Variants in ASRGL1 observed in about 807,000 individuals in gnomAD.
ASRGL1 encodes the protein isoaspartyl peptidase/L-asparaginase.
ASRGL1 carries 16 observed loss-of-function variants against 22.4 expected under a neutral mutation model. That is an observed-to-expected ratio of 0.71 (90% CI 0.48 to 1.08). The LOEUF (loss-of-function observed/expected upper bound fraction) is 1.08, where lower values mean the gene tolerates loss of function less well. ASRGL1 is among the 50% of genes least tolerant of loss of function. The pLI, the probability that ASRGL1 is intolerant of heterozygous loss-of-function variation, is 0.00. For missense variants in ASRGL1, 412 were observed against 410.1 expected, an observed-to-expected ratio of 1.00 and a Z score of -0.04; for synonymous variants, 165 against 159.3, an observed-to-expected ratio of 1.04 and a Z score of -0.27.
intron 2 of ASRGL1, among the ~76,000 whole-genome samples, chr11:62,342,563 C>A (rs186689790): frequency 6.6e-6 from 1 of 152,224 alleles, no homozygotes; most frequent in African/African-American, 2.4e-5. Context: ...TCAAGAGCAG[C>A]CTGTCCAATA....
rs1378945805 is a variant in ASRGL1, at chr11:62,386,502, A to G, written c.492-2631A>G. ...TGTACATATATATGTACATATATAG[A>G]TATGTATAGGGGGAAAGATAGTGTT... is the stretch of plus-strand genomic sequence containing the variant. On this transcript the variant is annotated intron_variant, in intron 4 of 6. Coordinates refer to ENST00000415229, the MANE Select transcript of ASRGL1 (RefSeq NM_001083926.2). Among the ~76,000 whole-genome samples, 13 of 142,788 alleles carry G rather than the reference A, an allele frequency of 9.1e-5. 1 individual carries two copies. The allele number at this position is 142,788 out of a possible 152,430, so 93.7% of individuals were successfully genotyped here. A position where few individuals can be genotyped will look rare whatever the true frequency, so the allele number is the denominator to read the frequency against.
chr11:62,342,350 G>A (rs566552256), intron 2 of ASRGL1, among the ~76,000 whole-genome samples: 1 of 152,324 alleles, frequency 6.6e-6, no homozygotes, highest in South Asian at 2.1e-4. Context: ...AGAACGTAAA[G>A]TACAGTGATT....
chr11:62,368,889 C>T (rs971686356), intron 4 of ASRGL1, among the ~76,000 whole-genome samples: 4 of 152,316 alleles, frequency 2.6e-5, no homozygotes, highest in African/African-American at 9.6e-5. Flanking sequence ...CTGTTTTCTC[C>T]TATCTCAGTA....
intron 1 of ASRGL1, 37 bp from the exon 2 acceptor site, chr11:62,337,853 A>G (rs11606114): frequency 0.024 from 26,081 of 1,077,300 alleles, 372 homozygotes; most frequent in Non-Finnish European, 0.03. Flanking sequence ...CTGCGAACCC[A>G]GCCGTTCAGA....
intron 4 of ASRGL1, among the ~76,000 whole-genome samples, chr11:62,360,793 C>T (rs1946415334): frequency 6.6e-6 from 1 of 152,178 alleles, no homozygotes; most frequent in African/African-American, 2.4e-5. Flanking sequence ...TGAAGAATCA[C>T]ACACAATAAA....
intron 4 of ASRGL1, among the ~76,000 whole-genome samples, chr11:62,387,992 T>C (rs1947254092): frequency 6.6e-6 from 1 of 152,176 alleles, no homozygotes; most frequent in Admixed American, 6.5e-5. Context: ...TTCATGGCCA[T>C]GCAAACATCA....
chr11:62,369,834 C>T (rs1275182899), intron 4 of ASRGL1, among the ~76,000 whole-genome samples: 2 of 152,060 alleles, frequency 1.3e-5, no homozygotes, highest in Non-Finnish European at 2.9e-5. Context: ...TACAAAAGTC[C>T]GACGTATTCC....
chr11:62,362,474 TA>T lies in ASRGL1; in HGVS notation c.491+5334del, dbSNP rs1180506381. Among the ~76,000 whole-genome samples, 13 of 118,108 alleles carry T rather than the reference TA, an allele frequency of 1.1e-4. 1 individual carries two copies. The highest frequency in any genetic ancestry group is 2.2e-4 in the African/African-American group (7 of 31,146). 77.5% of individuals were successfully genotyped at this position (118,108 alleles called of 152,430 possible). On this transcript the variant is annotated intron_variant, in intron 4 of 6. Coordinates refer to ENST00000415229, the MANE Select transcript of ASRGL1 (RefSeq NM_001083926.2). ...TAACCAAAAATATATATATATTATA[TA>T]AAATATATATAATATATATTATATA... is the stretch of plus-strand genomic sequence containing the variant.
At chr11:62,399,854 A>C in the ASRGL1 span, among the ~76,000 whole-genome samples, 1 of 152,028 alleles carries the variant, frequency 6.6e-6, no homozygotes, top group Non-Finnish European at 1.5e-5. Flanking sequence ...ACCCCATACC[A>C]CACACAGCCT....
chr11:62,342,153 C>T (rs1020520100), intron 2 of ASRGL1, among the ~76,000 whole-genome samples: 6 of 151,912 alleles, frequency 3.9e-5, no homozygotes, highest in African/African-American at 9.7e-5. Context: ...TCGATTGGCT[C>T]GCAACTTAGA....
intron 4 of ASRGL1, among the ~76,000 whole-genome samples, chr11:62,376,145 C>G (rs1434209558): frequency 7.3e-6 from 1 of 137,168 alleles, no homozygotes; most frequent in Non-Finnish European, 1.6e-5. Context: ...AGCCTACTCT[C>G]TGGAGTTTGT....
chr11:62,400,053 C>T, the ASRGL1 span, among the ~76,000 whole-genome samples: 3 of 152,194 alleles, frequency 2.0e-5, 1 homozygote, highest in South Asian at 4.1e-4. Context: ...AATGAGGTCA[C>T]GCAGGGGGCT....
intron 4 of ASRGL1, among the ~76,000 whole-genome samples, chr11:62,384,179 A>C (rs1947148359): frequency 6.6e-6 from 1 of 152,090 alleles, no homozygotes; most frequent in African/African-American, 2.4e-5. Flanking sequence ...CCTGCACTCC[A>C]GCCTGGGCAA....
At chr11:62,354,266 T>C (rs1355212556) in intron 2 of ASRGL1, among the ~76,000 whole-genome samples, 14 of 152,338 alleles carry the variant, frequency 9.2e-5, no homozygotes, top group Non-Finnish European at 1.2e-4. Context: ...AACAACAGCA[T>C]GTGCAAAGGC....
At chr11:62,346,588 A>T (rs11608211) in intron 2 of ASRGL1, among the ~76,000 whole-genome samples, 13,340 of 152,260 alleles carry the variant, frequency 0.088, 720 homozygotes, top group East Asian at 0.15. Context: ...ACAAAATTGG[A>T]TAGAGCACAC....
At chr11:62,338,511 A>G (rs1293684663) in intron 2 of ASRGL1, among the ~76,000 whole-genome samples, 2 of 152,134 alleles carry the variant, frequency 1.3e-5, no homozygotes, top group Non-Finnish European at 2.9e-5. Context: ...GGGGAGGGGG[A>G]GTGGTTTCCA....
the ASRGL1 span, among the ~76,000 whole-genome samples, chr11:62,398,839 C>T: frequency 1.3e-5 from 2 of 152,186 alleles, no homozygotes; most frequent in African/African-American, 4.8e-5. Flanking sequence ...AAAAGTCCAT[C>T]ACTTTCCCCA....
intron 4 of ASRGL1, among the ~76,000 whole-genome samples, chr11:62,388,537 G>A (rs371749478): frequency 7.6e-4 from 115 of 152,146 alleles, no homozygotes; most frequent in East Asian, 7.4e-3. Flanking sequence ...AGGTGTGGTG[G>A]TGCATGCCTG....
intron 4 of ASRGL1, among the ~76,000 whole-genome samples, chr11:62,376,975 G>A (rs1399480227): frequency 1.3e-5 from 2 of 152,188 alleles, no homozygotes; most frequent in African/African-American, 2.4e-5. Context: ...AGGTACATGC[G>A]TGACATCCAT....
Sources: gnomAD v4.1 joint callset for allele counts (sites outside exome capture counted in the v4.1 genomes callset) on GRCh38, gnomAD v4.1.1 for gene constraint, MANE v1.5 for transcripts, NCBI Gene and HGNC (gene_info 2026-07-23, HGNC 2026-07-21) for gene names.